The following ADAMTS2 variants were observed in gnomAD, a reference collection of about 807,000 sequenced individuals.
ADAMTS2 encodes A disintegrin and metalloproteinase with thrombospondin motifs 2.
ADAMTS2 carries 50 observed loss-of-function variants against 123.0 expected under a neutral mutation model. The ratio of observed to expected loss-of-function variants is 0.41; its 90% CI spans 0.32 to 0.51. ADAMTS2 has a LOEUF of 0.51. ADAMTS2 is among the 20% of genes least tolerant of loss of function. The pLI is 0.35. For missense variants in ADAMTS2, 1,494 were observed against 1,705.2 expected (o/e 0.88, Z 2.18); for synonymous variants, 678 against 695.4 (o/e 0.98, Z 0.39).
intron 19 of ADAMTS2, 91 bp from the exon 20 acceptor site, chr5:179,122,864 A>G: frequency 6.5e-7 from 1 of 1,529,500 alleles, no homozygotes; most frequent in Non-Finnish European, 8.8e-7. Context: ...CAGGCACATG[A>G]CCCATGCGCT....
intron 3 of ADAMTS2, among the ~76,000 whole-genome samples, chr5:179,267,761 G>C (rs1435900299): frequency 6.6e-6 from 1 of 152,210 alleles, no homozygotes; most frequent in African/African-American, 2.4e-5. Context: ...CCCAGGGCTG[G>C]AGGCAGAGAG....
In ADAMTS2 at chr5:179,189,510, G is replaced by GA. The variant is rs1554128903; in HGVS notation, c.892-8356_892-8355insT. The stretch of plus-strand genomic sequence containing the variant: ...CTACAGGCGCCCGCCAGTGCGCCTG[G>GA]TTTTTTTTTTTTTTTTTTTTTTTTT... On this transcript the variant is annotated intron_variant, in intron 4 of 21. Coordinates refer to ENST00000251582, the MANE Select transcript of ADAMTS2 (RefSeq NM_014244.5). The surrounding 1 kb of genome is among the most constrained non-coding windows in gnomAD (Gnocchi z 4.2). 2.5e-5 allele frequency among the ~76,000 whole-genome samples: 2 copies of GA among 78,950 alleles called. No homozygotes were observed. Among genetic ancestry groups the GA allele is most frequent in the East Asian group, 7.5e-4 (2 of 2,674 alleles). The allele number at this position is 78,950 out of a possible 152,430, so 51.8% of individuals were successfully genotyped here.
chr5:179,113,617 C>T lies in ADAMTS2; in HGVS notation c.*250G>A. On this transcript the variant is annotated 3_prime_UTR_variant, in exon 22 of 22. Coordinates refer to ENST00000251582, the MANE Select transcript of ADAMTS2 (RefSeq NM_014244.5). ...CTCACTGAGGGAGGCCATACAGCCT[C>T]TATATTCCTCTCCACTGCACACCTG... 1.8e-6 allele frequency: 1 copy of T among 544,954 alleles called. No homozygotes were observed. 33.8% of individuals were successfully genotyped at this position (544,954 alleles called of 1,614,324 possible). A position where few individuals can be genotyped will look rare whatever the true frequency, so the allele number is the denominator to read the frequency against.
At chr5:179,292,212 A>G (rs1414018479) in intron 2 of ADAMTS2, among the ~76,000 whole-genome samples, 1 of 151,932 alleles carries the variant, frequency 6.6e-6, no homozygotes, top group Non-Finnish European at 1.5e-5. Flanking sequence ...CGGAGTCAGG[A>G]GAAATGCCAC....
chr5:179,114,102 G>A lies in ADAMTS2; in HGVS notation c.3401C>T (p.Pro1134Leu), dbSNP rs772547199. ...PVPTVAMEVRPSPSTPLEVPL... is the reference protein window; with the variant it reads ...PVPTVAMEVRLSPSTPLEVPL... ...GACCTCCAGGGGGGTGCTTGGTGATGGCCGCACCTCCATGGCTACAGTGGG... is the reference window on the plus strand; with the variant it reads ...GACCTCCAGGGGGGTGCTTGGTGATAGCCGCACCTCCATGGCTACAGTGGG... Residue 1134 changes from proline to leucine, a missense_variant, in exon 22 of 22, where the codon CCA (proline) becomes CTA (leucine). Physicochemically the swap from Pro to Leu is moderately conservative, Grantham distance 98 (BLOSUM62 -3). Around this residue, in one of 6 missense-constraint regions of ADAMTS2, gnomAD observed 953 missense variants for 1,124.7 expected, o/e 0.85. Transcript: ENST00000251582. The A allele has an allele frequency of 1.2e-5, 20 of 1,614,060 alleles. No individual in the cohort carries two copies. The highest frequency in any genetic ancestry group is 1.6e-4 in the Middle Eastern group (1 of 6,062).
Position 179,121,732 on chromosome 5 carries a change from G to A in ADAMTS2, c.3107C>T (p.Ser1036Phe), listed in dbSNP as rs779277426. 6.3e-7 allele frequency: 1 copy of A among 1,585,520 alleles called. No individual in the cohort carries two copies. The highest frequency in any genetic ancestry group is 1.4e-5 in the African/African-American group (1 of 73,844). Residue 1036 changes from serine (S) to phenylalanine (F), a missense_variant, in exon 21 of 22, where the codon TCC (serine) becomes TTC (phenylalanine). Around this residue, in one of 6 missense-constraint regions of ADAMTS2, gnomAD observed 953 missense variants for 1,124.7 expected, o/e 0.85. Transcript: ENST00000251582. ...CCACTGAACTACGTAGCTCTTCTTG[G>A]AGGGATCTGAGATGTTTCCTAGAGG... ...GPCPRNISDPSKKSYVVQWLS... is the reference protein window; with the variant it reads ...GPCPRNISDPFKKSYVVQWLS...
At chr5:179,165,736 G>A (rs922016926) in intron 5 of ADAMTS2, among the ~76,000 whole-genome samples, 4 of 152,170 alleles carry the variant, frequency 2.6e-5, no homozygotes, top group African/African-American at 9.7e-5. Context: ...CCTCCTGAGT[G>A]AGGCAGGGCC....
intron 3 of ADAMTS2, among the ~76,000 whole-genome samples, chr5:179,263,637 C>G (rs1766288106): frequency 6.6e-6 from 1 of 152,234 alleles, no homozygotes; most frequent in Admixed American, 6.5e-5. Flanking sequence ...GCCCACACCT[C>G]ACGGCAAGCC....
chr5:179,249,845 T>C (rs1370734968), intron 3 of ADAMTS2, among the ~76,000 whole-genome samples: 3 of 152,188 alleles, frequency 2.0e-5, no homozygotes, highest in African/African-American at 7.2e-5. Context: ...CATCTTTCTA[T>C]GAGGCCAGCA....
At chr5:179,331,562 G>C (rs1757477007) in intron 2 of ADAMTS2, among the ~76,000 whole-genome samples, 2 of 20,790 alleles carry the variant, frequency 9.6e-5, no homozygotes, top group South Asian at 9.3e-3. Flanking sequence ...GGAAGGGAGG[G>C]AGAGGAGGGG....
intron 10 of ADAMTS2, among the ~76,000 whole-genome samples, chr5:179,150,118 A>G (rs1763326097): frequency 8.0e-6 from 1 of 124,678 alleles, no homozygotes. Context: ...TGGGGGCCCC[A>G]CCAGCTCCTG....
intron 3 of ADAMTS2, among the ~76,000 whole-genome samples, chr5:179,267,918 T>G (rs116213221): frequency 0.021 from 3,263 of 152,246 alleles, 121 homozygotes; most frequent in African/African-American, 0.074. Context: ...TGAGGCCTGG[T>G]CCTTTCGCAT....
At chr5:179,277,342 CCCCCT>C (rs1766732949) in intron 2 of ADAMTS2, among the ~76,000 whole-genome samples, 1 of 26,126 alleles carries the variant, frequency 3.8e-5, no homozygotes, top group Non-Finnish European at 6.0e-5. Flanking sequence ...AAAGGCTGAC[CCCCCT>C]GAGACCAAAG....
chr5:179,328,510 G>C (rs1308249106), intron 2 of ADAMTS2, among the ~76,000 whole-genome samples: 1 of 152,216 alleles, frequency 6.6e-6, no homozygotes, highest in Non-Finnish European at 1.5e-5. Context: ...GCTGGGGCTT[G>C]GGCTTGCCAG....
intron 10 of ADAMTS2, 30 bp from the exon 11 acceptor site, chr5:179,140,065 C>A: frequency 6.2e-7 from 1 of 1,613,394 alleles, no homozygotes; most frequent in Non-Finnish European, 8.5e-7. Context: ...TCCCTCCACT[C>A]ACCCTCACAC....
At chr5:179,336,549 G>A (rs1480148614) in intron 2 of ADAMTS2, among the ~76,000 whole-genome samples, 1 of 152,126 alleles carries the variant, frequency 6.6e-6, no homozygotes, top group Non-Finnish European at 1.5e-5. Context: ...CAGAGTTGCA[G>A]TTTAAATGGG....
intron 2 of ADAMTS2, among the ~76,000 whole-genome samples, chr5:179,300,325 T>C (rs1291494819): frequency 6.6e-6 from 1 of 152,228 alleles, no homozygotes; most frequent in Non-Finnish European, 1.5e-5. Context: ...TAGGATTTCA[T>C]GGTTTTTGCT....
chr5:179,136,386 C>A (rs1277536494), intron 12 of ADAMTS2, among the ~76,000 whole-genome samples: 1 of 152,228 alleles, frequency 6.6e-6, no homozygotes, highest in Non-Finnish European at 1.5e-5. Flanking sequence ...CCTTTTCAGG[C>A]CAGGCAAGAT....
rs950701087 is a variant in ADAMTS2, at chr5:179,118,912, G to A, written c.3178+2749C>T. Among the ~76,000 whole-genome samples the A allele has an allele frequency of 6.6e-6, 1 of 152,186 alleles. No individual in the cohort carries two copies. Among genetic ancestry groups the A allele is most frequent in the African/African-American group, 2.4e-5 (1 of 41,442 alleles). ...GCCCCAGCTATGTTTATGCACCACC[G>A]AATCACCTTCCATTTCCCATGCTTT... On this transcript the variant is annotated intron_variant, in intron 21 of 21. Transcript: ENST00000251582. The surrounding 1 kb of genome is among the most constrained non-coding windows in gnomAD (Gnocchi z 4.5).
Sources: gnomAD v4.1 joint callset for allele counts (sites outside exome capture counted in the v4.1 genomes callset) on GRCh38, gnomAD v4.1.1 for gene constraint, gnomAD v4.1.1 regional missense constraint, Gnocchi (gnomAD v3.1) non-coding constraint, MANE v1.5 for transcripts, NCBI Gene and HGNC (gene_info 2026-07-23, HGNC 2026-07-21) for gene names.